MARF1: variants seen among roughly 807,000 people sequenced by gnomAD.
MARF1 encodes the protein limkain-b1.
In MARF1, 24 loss-of-function variants were observed where a neutral mutation model predicts 168.2. The ratio of observed to expected loss-of-function variants is 0.14; its 90% CI spans 0.10 to 0.20. The LOEUF (loss-of-function observed/expected upper bound fraction) is 0.20, where lower values mean the gene tolerates loss of function less well. MARF1 is among the 10% of genes least tolerant of loss of function. The pLI is 1.00. For synonymous variants in MARF1, 868 were observed against 822.4 expected, an observed-to-expected ratio of 1.06 and a Z score of -0.95; for missense variants, 1,744 against 2,143.6, an observed-to-expected ratio of 0.81 and a Z score of 3.68.
At chr16:15,611,519 CTATT>C in intron 18 of MARF1, 69 bp downstream of exon 18, 1 of 1,196,502 alleles carries the variant, frequency 8.4e-7, no homozygotes, top group East Asian at 2.8e-5. Flanking sequence ...TACTAGATAA[CTATT>C]TAGAGTTTGG....
intron 4 of MARF1, among the ~76,000 whole-genome samples, chr16:15,634,486 C>A (rs900045396): frequency 9.2e-5 from 14 of 152,078 alleles, no homozygotes; most frequent in Non-Finnish European, 2.1e-4. Context: ...TAAGGTGACA[C>A]CAAGTCTTTT....
intron 23 of MARF1, 142 bp downstream of exon 23, chr16:15,601,849 T>C (rs2032466977): frequency 5.5e-6 from 4 of 730,188 alleles, no homozygotes. Flanking sequence ...TCATTTACTT[T>C]AGACCAACAG....
intron 25 of MARF1, among the ~76,000 whole-genome samples, chr16:15,599,762 T>C (rs1303985033): frequency 6.6e-6 from 1 of 152,218 alleles, no homozygotes; most frequent in East Asian, 1.9e-4. Flanking sequence ...TTGGGTAATA[T>C]TAATGCATTA....
chr16:15,609,436 C>G, intron 20 of MARF1, 87 bp downstream of exon 20: 1 of 1,114,856 alleles, frequency 9.0e-7, no homozygotes, highest in Admixed American at 2.4e-5. Context: ...TCCCTACTTC[C>G]CAGAAAAACA....
At chr16:15,613,303 T>C (rs1196620558) in intron 16 of MARF1, among the ~76,000 whole-genome samples, 1 of 152,124 alleles carries the variant, frequency 6.6e-6, no homozygotes. Context: ...CCATCTTGAC[T>C]GCTTATACCT....
At chr16:15,607,800 G>A (rs946414138) in intron 21 of MARF1, among the ~76,000 whole-genome samples, 10 of 152,160 alleles carry the variant, frequency 6.6e-5, no homozygotes, top group Admixed American at 2.0e-4. Flanking sequence ...CAAACAGCAC[G>A]AGCTGCCCTC....
chr16:15,628,105 C>G (rs2035000401), intron 7 of MARF1, among the ~76,000 whole-genome samples: 1 of 152,152 alleles, frequency 6.6e-6, no homozygotes, highest in East Asian at 1.9e-4. Context: ...TAAATAAAGA[C>G]CAGCCATACA....
Position 15,625,074 on chromosome 16 carries a change from C to T in MARF1, c.2053G>A (p.Ala685Thr), listed in dbSNP as rs1304505488. The T allele has an allele frequency of 1.9e-6, 3 of 1,614,062 alleles. No individual in the cohort carries two copies. In the East Asian group the frequency reaches 6.7e-5, roughly 36 times the overall value. ...CCCGAGTTTTTCGGCGTCGACACTG[C>T]AGCACTTGAGTTACCGTGAGTGGGT... ...VVPTHGNSSA[A>T]VSTPKNSGVA... Residue 685 changes from alanine (A) to threonine (T), a missense_variant, in exon 9 of 27, where the codon GCA becomes ACA. Coordinates refer to ENST00000396368, the MANE Select transcript of MARF1 (RefSeq NM_014647.4).
Position 15,634,901 on chromosome 16 carries a change from T to C in MARF1, c.862A>G (p.Lys288Glu), listed in dbSNP as rs753161389. The part of the protein sequence containing the change: ...PARNSIIDAA[K>E]VWPNIPPPNT... ...GGAGGTGGTATATTTGGCCAGACTT[T>C]AGCCGCATCGATTATGCTATTTCTT... Residue 288 changes from lysine (K) to glutamate (E), a missense_variant, in exon 4 of 27, where the codon AAA becomes GAA. By Grantham distance (56) the Lys-to-Glu change is moderately conservative. Coordinates refer to ENST00000396368, the MANE Select transcript of MARF1 (RefSeq NM_014647.4). The C allele has an allele frequency of 5.6e-6, 9 of 1,613,908 alleles. No individual in the cohort carries two copies. Among genetic ancestry groups the C allele is most frequent in the African/African-American group, 4.0e-5 (3 of 74,932 alleles).
chr16:15,621,514 C>T (rs1435249386), intron 12 of MARF1: 4 of 537,178 alleles, frequency 7.4e-6, no homozygotes, highest in Non-Finnish European at 1.3e-5. Flanking sequence ...ATTTTACTCC[C>T]AAGTGCCTGT....
chr16:15,605,221 A>G (rs1466621339), intron 21 of MARF1, among the ~76,000 whole-genome samples: 1 of 152,166 alleles, frequency 6.6e-6, no homozygotes, highest in Non-Finnish European at 1.5e-5. Context: ...TCACAAACCA[A>G]TGCTCATCCT....
At chr16:15,623,331 G>GTGCA (rs1311557786) in intron 10 of MARF1, among the ~76,000 whole-genome samples, 1 of 138,052 alleles carries the variant, frequency 7.2e-6, no homozygotes, top group Non-Finnish European at 1.5e-5. Context: ...CCAGGCTGGA[G>GTGCA]TGCAATGGCA....
rs2035401147 is a variant in MARF1 at position 15,633,726 on chromosome 16, T to C, written c.1124A>G (p.Gln375Arg). 2 of 1,614,076 alleles carry C rather than the reference T, an allele frequency of 1.2e-6. No homozygotes were observed. Among genetic ancestry groups the C allele is most frequent in the Non-Finnish European group, 1.7e-6 (2 of 1,180,042 alleles). ...TTTAAAAAACTTCTCACGGATTCTTTGCACAACAGCAGTTGCTGACCGGCC... is the reference window on the plus strand; with the variant it reads ...TTTAAAAAACTTCTCACGGATTCTTCGCACAACAGCAGTTGCTGACCGGCC... The part of the protein sequence containing the change: ...PSGRSATAVV[Q>R]RIREKFFKGH... Residue 375 changes from glutamine to arginine, a missense_variant, in exon 5 of 27, where the codon CAA (glutamine) becomes CGA (arginine). Physicochemically the swap from Gln to Arg is conservative, Grantham distance 43. Around this residue, in one of 7 missense-constraint regions of MARF1, gnomAD observed 217 missense variants for 372.4 expected, o/e 0.58. Coordinates refer to ENST00000396368, the MANE Select transcript of MARF1 (RefSeq NM_014647.4).
Position 15,636,292 on chromosome 16 carries a change from T to C in MARF1, c.195A>G (p.Pro65=), listed in dbSNP as rs755204127. 1 of 1,599,720 alleles carries C rather than the reference T, an allele frequency of 6.3e-7. No individual in the cohort carries two copies. Among genetic ancestry groups the C allele is most frequent in the Middle Eastern group, 1.7e-4 (1 of 5,984 alleles). ...GCTTAGAGCCAGCATGAAGGGGTGA[T>C]GGTACATCCTTTAGTTCCACAGCAA... ...KKVAVELKDV[P]SPLHAGSKLF... Residue 65 remains proline, a synonymous_variant, in exon 3 of 27, where the codon CCA becomes CCG. Transcript: ENST00000396368.
chr16:15,604,206 A>G lies in MARF1; in HGVS notation c.4375T>C (p.Leu1459=). ...LNPCEYGFMT[L]TELLKSLPYL... ...GGCAGGCTCTTCAGCAGTTCGGTCA[A>G]GGTCATGAATCCATATTCACAGGGG... The change falls in exon 22 of 27, where the codon TTG becomes CTG. Residue 1459 remains leucine (L), a synonymous_variant. Coordinates refer to ENST00000396368, the MANE Select transcript of MARF1 (RefSeq NM_014647.4). 3.1e-6 allele frequency: 5 copies of G among 1,614,226 alleles called. No individual in the cohort carries two copies. Among genetic ancestry groups the G allele is most frequent in the Non-Finnish European group, 4.2e-6 (5 of 1,180,036 alleles).
intron 23 of MARF1, chr16:15,601,602 T>TC: frequency 3.3e-6 from 1 of 304,130 alleles, no homozygotes; most frequent in Non-Finnish European, 6.2e-6. Context: ...GTCACGTGCT[T>TC]CCCTCAGGCA....
At chr16:15,636,890 T>A (rs1013471251) in intron 2 of MARF1, among the ~76,000 whole-genome samples, 1 of 152,170 alleles carries the variant, frequency 6.6e-6, no homozygotes, top group Non-Finnish European at 1.5e-5. Flanking sequence ...CTGATGACAT[T>A]TCATAAACCC....
At position 15,630,487 on chromosome 16, in the gene MARF1, A is replaced by G. The variant is rs962417364; in HGVS notation, c.1369T>C (p.Leu457=). 1.9e-6 allele frequency: 3 copies of G among 1,613,366 alleles called. No individual in the cohort carries two copies. Among genetic ancestry groups the G allele is most frequent in the African/African-American group, 1.3e-5 (1 of 75,022 alleles). Reference sequence around the variant, plus strand: ...CTGTGTCTCAGGTCACTAAGTTCCAATGCAAAATTGACATCAGCTGAAAGA... The same window carrying G: ...CTGTGTCTCAGGTCACTAAGTTCCAGTGCAAAATTGACATCAGCTGAAAGA... ...VLVSTDVNFA[L]ELSDLRHRHG... Residue 457 remains leucine, a synonymous_variant, in exon 7 of 27, where the codon TTG becomes CTG. Transcript: ENST00000396368.
chr16:15,619,052 A>T (rs1410916752), intron 13 of MARF1, among the ~76,000 whole-genome samples: 1 of 152,120 alleles, frequency 6.6e-6, no homozygotes, highest in South Asian at 2.1e-4. Context: ...TAGGAGGGAG[A>T]ATCACTTGAA....
Sources: allele counts gnomAD v4.1 joint callset (sites outside exome capture counted in the v4.1 genomes callset), GRCh38; gene constraint gnomAD v4.1.1; regional missense constraint gnomAD v4.1.1; transcripts MANE v1.5; gene names NCBI Gene and HGNC (gene_info 2026-07-23, HGNC 2026-07-21).